Variants in APBA2 observed in about 807,000 individuals in gnomAD.
The protein encoded by APBA2 is amyloid beta precursor protein binding family A member 2, also known as amyloid-beta A4 precursor protein-binding family A member 2.
In APBA2, 30 loss-of-function variants were observed where a neutral mutation model predicts 75.0. That is an observed-to-expected ratio of 0.40 (90% CI 0.30 to 0.54). The LOEUF (loss-of-function observed/expected upper bound fraction) is 0.54, where lower values mean the gene tolerates loss of function less well. Among genes scored for constraint, APBA2 ranks in the 20% least tolerant of loss-of-function variants. The pLI is 0.49. For synonymous variants in APBA2, 444 were observed against 409.6 expected (o/e 1.08, Z -1.01); for missense variants, 801 against 1,016.1 (o/e 0.79, Z 2.88).
chr15:29,055,930 G>C (rs887317747), intron 4 of APBA2, among the ~76,000 whole-genome samples: 3 of 152,128 alleles, frequency 2.0e-5, no homozygotes, highest in Non-Finnish European at 4.4e-5. Context: ...GGTACTAGTG[G>C]GTGTTGGGAG....
At chr15:29,037,027 A>C (rs1430719622) in intron 3 of APBA2, among the ~76,000 whole-genome samples, 1 of 152,120 alleles carries the variant, frequency 6.6e-6, no homozygotes, top group Non-Finnish European at 1.5e-5. Context: ...CTCCAAAAAA[A>C]AAAAGAGAAA....
intron 2 of APBA2, among the ~76,000 whole-genome samples, chr15:28,986,169 T>C (rs2037917009): frequency 6.6e-6 from 1 of 152,238 alleles, no homozygotes; most frequent in African/African-American, 2.4e-5. Flanking sequence ...TCCTGCCTCC[T>C]GGAGGAGAGA....
intron 2 of APBA2, among the ~76,000 whole-genome samples, chr15:28,975,133 C>A (rs1245119957): frequency 6.6e-6 from 1 of 151,918 alleles, no homozygotes; most frequent in Non-Finnish European, 1.5e-5. Context: ...AGTGTGAAGA[C>A]CTGGATAGAA....
intron 2 of APBA2, among the ~76,000 whole-genome samples, chr15:28,941,877 C>T (rs920513239): frequency 1.3e-5 from 2 of 152,236 alleles, no homozygotes; most frequent in Admixed American, 1.3e-4. Context: ...CTGCCTCAGC[C>T]TCCCGAGTAG....
At chr15:28,920,509 AG>A (rs2033917239) in intron 1 of APBA2, among the ~76,000 whole-genome samples, 1 of 152,198 alleles carries the variant, frequency 6.6e-6, no homozygotes. Context: ...AGGAGCAGGC[AG>A]GTGGGGTTTG....
In APBA2 at chr15:29,074,932, T is replaced by G. The variant is rs750024342; in HGVS notation, c.963T>G (p.Gly321=). The G allele has an allele frequency of 1.2e-5, 19 of 1,614,024 alleles. No individual in the cohort carries two copies. Among genetic ancestry groups the G allele is most frequent in the Non-Finnish European group, 1.4e-5 (17 of 1,180,016 alleles). The change falls in exon 5 of 15, where the codon GGT becomes GGG. Residue 321 remains glycine (G), a synonymous_variant. Coordinates refer to ENST00000683413, the MANE Select transcript of APBA2 (RefSeq NM_001353788.2). ...TTCCCCGTTTCCAGGTTTGCAATGG[T>G]CTGGAGCAGCCAAGGAAGCAGCAGC... ...LKWPHEQVCN[G]LEQPRKQQRS... is the part of the protein sequence containing the mutation.
chr15:29,085,900 T>C (rs1334225920), intron 6 of APBA2, among the ~76,000 whole-genome samples: 1 of 152,174 alleles, frequency 6.6e-6, no homozygotes, highest in Non-Finnish European at 1.5e-5. Flanking sequence ...TATATGTCTA[T>C]GTGGAAGGCG....
At chr15:29,071,058 G>A (rs1372152350) in intron 4 of APBA2, 2 of 456,714 alleles carry the variant, frequency 4.4e-6, no homozygotes, top group South Asian at 3.1e-5. Context: ...TCCAGAGAGT[G>A]CTTGGAAGCA....
At chr15:28,963,628 T>A (rs947849033) in intron 2 of APBA2, among the ~76,000 whole-genome samples, 1 of 152,204 alleles carries the variant, frequency 6.6e-6, no homozygotes, top group Non-Finnish European at 1.5e-5. Flanking sequence ...GACAACATAA[T>A]CCAACAAATA....
intron 8 of APBA2, among the ~76,000 whole-genome samples, chr15:29,095,394 C>T (rs1208700135): frequency 1.3e-5 from 2 of 151,842 alleles, no homozygotes; most frequent in Non-Finnish European, 2.9e-5. Context: ...CATGCCATTG[C>T]ACTCCAGCCT....
In APBA2 at chr15:29,093,064, C is replaced by T; in HGVS notation, c.1070-11C>T. 7 of 1,614,136 alleles carry T rather than the reference C, an allele frequency of 4.3e-6. No individual in the cohort carries two copies. The highest frequency in any genetic ancestry group is 5.1e-6 in the Non-Finnish European group (6 of 1,180,026). ...CCTCTAGGAAGACTCTGACTCTGTG[C>T]CCTCCTTCAGTTCCAGGGCCCTGCG... On this transcript the variant is annotated splice_polypyrimidine_tract_variant and intron_variant, in intron 6 of 14. Transcript: ENST00000683413.
At chr15:28,966,453 T>C (rs2036743984) in intron 2 of APBA2, among the ~76,000 whole-genome samples, 2 of 152,214 alleles carry the variant, frequency 1.3e-5, no homozygotes, top group South Asian at 4.1e-4. Flanking sequence ...TCCTTGTCTT[T>C]ATTTAGTTTC....
Position 29,105,460 on chromosome 15 carries a change from G to C in APBA2, c.1606G>C (p.Glu536Gln), listed in dbSNP as rs141259161. Residue 536 changes from glutamate to glutamine, a missense_variant, in exon 11 of 15, where the codon GAA becomes CAA. By Grantham distance (29) the Glu-to-Gln change is conservative (BLOSUM62 2). Coordinates refer to ENST00000683413, the MANE Select transcript of APBA2 (RefSeq NM_001353788.2). ...EFLRANGINP[E>Q]DLSQKEYSDI... ...CCTGCGAGCCAATGGCATCAACCCC[G>C]AAGACTTGAGCCAGAAGGAATACAG... The C allele has an allele frequency of 1.2e-6, 2 of 1,613,850 alleles. No homozygotes were observed. Among genetic ancestry groups the C allele is most frequent in the Non-Finnish European group, 8.5e-7 (1 of 1,180,022 alleles).
At chr15:28,939,426 C>A (rs1478918200) in intron 2 of APBA2, among the ~76,000 whole-genome samples, 7 of 152,080 alleles carry the variant, frequency 4.6e-5, no homozygotes, top group Non-Finnish European at 1.0e-4. Context: ...TTTTGAAGTG[C>A]CATACTATTT....
intron 6 of APBA2, among the ~76,000 whole-genome samples, chr15:29,078,641 A>C (rs1566980420): frequency 6.6e-6 from 1 of 151,866 alleles, no homozygotes; most frequent in Non-Finnish European, 1.5e-5. Context: ...AAAAAACAAA[A>C]AAAAAAAGTC....
intron 6 of APBA2, among the ~76,000 whole-genome samples, chr15:29,087,268 A>ATTT (rs1566990821): frequency 3.2e-4 from 46 of 143,252 alleles, no homozygotes; most frequent in African/African-American, 1.4e-3. Flanking sequence ...TTTTTTTAAA[A>ATTT]AAAATTATTT....
intron 8 of APBA2, among the ~76,000 whole-genome samples, chr15:29,097,619 A>G (rs1404715724): frequency 6.6e-6 from 1 of 152,250 alleles, no homozygotes; most frequent in Non-Finnish European, 1.5e-5. Context: ...AAATGACTAT[A>G]TCTAGCTAAT....
chr15:29,065,443 A>C (rs1249715811), intron 4 of APBA2, among the ~76,000 whole-genome samples: 1 of 152,232 alleles, frequency 6.6e-6, no homozygotes, highest in Non-Finnish European at 1.5e-5. Context: ...GATCACAACC[A>C]GTGCCAGTCA....
At chr15:29,101,131 G>A (rs2044096925) in intron 9 of APBA2, among the ~76,000 whole-genome samples, 1 of 152,056 alleles carries the variant, frequency 6.6e-6, no homozygotes, top group African/African-American at 2.4e-5. Context: ...ACCTTGCAGT[G>A]CACATGACAG....
Sources: gnomAD v4.1 joint callset for allele counts (sites outside exome capture counted in the v4.1 genomes callset) on GRCh38, gnomAD v4.1.1 for gene constraint, MANE v1.5 for transcripts, NCBI Gene and HGNC (gene_info 2026-07-23, HGNC 2026-07-21) for gene names.